The following EPHB1 variants were observed in gnomAD, a reference collection of about 807,000 sequenced individuals.
The protein encoded by EPHB1 is ephrin type-B receptor 1.
Under a neutral mutation model 94.4 loss-of-function variants are expected in EPHB1, and 30 were observed. The ratio of observed to expected loss-of-function variants is 0.32; its 90% CI spans 0.24 to 0.43. The LOEUF is 0.43. Among genes scored for constraint, EPHB1 ranks in the 20% least tolerant of loss-of-function variants. The pLI is 1.00. For missense variants in EPHB1, 1,055 were observed against 1,308.3 expected (o/e 0.81, Z 2.99); for synonymous variants, 522 against 489.1 (o/e 1.07, Z -0.89).
intron 3 of EPHB1, among the ~76,000 whole-genome samples, chr3:135,030,132 T>G (rs189990194): frequency 0.072 from 10,956 of 151,696 alleles, 532 homozygotes; most frequent in Non-Finnish European, 0.11. Flanking sequence ...CTTCTAAATT[T>G]TTTTCAAAGT....
At chr3:134,861,247 GC>G (rs2037251020) in intron 1 of EPHB1, among the ~76,000 whole-genome samples, 1 of 152,216 alleles carries the variant, frequency 6.6e-6, no homozygotes, top group Admixed American at 6.5e-5. Context: ...AGAAGATAAT[GC>G]CATTCAAGAG....
chr3:135,086,853 G>A (rs1019910000), intron 3 of EPHB1, among the ~76,000 whole-genome samples: 1 of 152,090 alleles, frequency 6.6e-6, no homozygotes. Flanking sequence ...GCCAGCTCAG[G>A]GCTTGAATTC....
At chr3:134,880,982 C>T (rs899073947) in intron 1 of EPHB1, among the ~76,000 whole-genome samples, 1 of 152,184 alleles carries the variant, frequency 6.6e-6, no homozygotes, top group Admixed American at 6.5e-5. Flanking sequence ...AATTGTTTCT[C>T]ACTGGAGCGG....
chr3:134,948,102 C>T (rs1047901781), intron 2 of EPHB1, among the ~76,000 whole-genome samples: 1 of 152,092 alleles, frequency 6.6e-6, no homozygotes, highest in Admixed American at 6.5e-5. Context: ...CCTCATTTTG[C>T]TTATTTAAAT....
intron 1 of EPHB1, among the ~76,000 whole-genome samples, chr3:134,878,895 C>T (rs2037669491): frequency 1.3e-5 from 2 of 152,168 alleles, no homozygotes; most frequent in Admixed American, 6.5e-5. Context: ...AAAAATAACA[C>T]TCGCTCTTAC....
chr3:134,880,563 G>A (rs532837161), intron 1 of EPHB1, among the ~76,000 whole-genome samples: 4 of 152,172 alleles, frequency 2.6e-5, no homozygotes, highest in South Asian at 4.1e-4. Context: ...GTAGCCCCCC[G>A]ACACAGCCAA....
At chr3:134,814,005 C>A (rs2036222462) in intron 1 of EPHB1, among the ~76,000 whole-genome samples, 2 of 152,278 alleles carry the variant, frequency 1.3e-5, no homozygotes, top group South Asian at 4.1e-4. Context: ...CCCTGAGGGC[C>A]CCCAGAGTCT....
intron 2 of EPHB1, among the ~76,000 whole-genome samples, chr3:134,930,309 C>G (rs187230983): frequency 6.6e-6 from 1 of 152,248 alleles, no homozygotes; most frequent in Admixed American, 6.5e-5. Context: ...CCAGAAAGTA[C>G]GCCCAGATTA....
At chr3:135,066,965 G>A (rs543592268) in intron 3 of EPHB1, among the ~76,000 whole-genome samples, 42 of 152,222 alleles carry the variant, frequency 2.8e-4, no homozygotes, top group Non-Finnish European at 3.5e-4. Flanking sequence ...CTCTCTTCTG[G>A]GTCTAGACAC....
chr3:134,939,921 A>ACTG (rs1273769249), intron 2 of EPHB1, among the ~76,000 whole-genome samples: 1 of 152,200 alleles, frequency 6.6e-6, no homozygotes, highest in Admixed American at 6.5e-5. Flanking sequence ...CCAAAAACAG[A>ACTG]CTGCTGAATG....
chr3:135,241,631 T>C (rs1317212468), intron 13 of EPHB1, among the ~76,000 whole-genome samples: 1 of 152,172 alleles, frequency 6.6e-6, no homozygotes. Context: ...TTCTAAGTGT[T>C]CAGGTTCTGT....
chr3:135,079,102 C>T (rs200851112), intron 3 of EPHB1, among the ~76,000 whole-genome samples: 1 of 150,738 alleles, frequency 6.6e-6, no homozygotes, highest in African/African-American at 2.5e-5. Context: ...AAAAACAAAA[C>T]AAACAAACAA....
chr3:134,893,986 G>A (rs1054084306), intron 1 of EPHB1, among the ~76,000 whole-genome samples: 1 of 152,204 alleles, frequency 6.6e-6, no homozygotes, highest in African/African-American at 2.4e-5. Flanking sequence ...CCTAAGGAGC[G>A]CTCTTAAATT....
At chr3:134,958,240 A>G (rs1207241610) in intron 3 of EPHB1, among the ~76,000 whole-genome samples, 5 of 152,162 alleles carry the variant, frequency 3.3e-5, no homozygotes, top group Non-Finnish European at 7.3e-5. Flanking sequence ...GGGAGTTGAG[A>G]TGAAAAATTT....
At chr3:135,247,072 T>G (rs981747186) in intron 13 of EPHB1, among the ~76,000 whole-genome samples, 2 of 152,246 alleles carry the variant, frequency 1.3e-5, no homozygotes, top group African/African-American at 4.8e-5. Context: ...CTCCAAATTA[T>G]TTCCTTTGTT....
At chr3:135,204,204 A>AT (rs1024306395) in intron 12 of EPHB1, among the ~76,000 whole-genome samples, 71 of 150,716 alleles carry the variant, frequency 4.7e-4, no homozygotes, top group Admixed American at 1.1e-3. Flanking sequence ...TAAGTTTTTT[A>AT]TTTTTTTTTA....
chr3:134,948,329 T>TAA (rs34196572), intron 2 of EPHB1, among the ~76,000 whole-genome samples: 4,292 of 145,212 alleles, frequency 0.03, 157 homozygotes, highest in African/African-American at 0.085. Context: ...AGCAGAACAG[T>TAA]AAAAAAAAAA....
intron 3 of EPHB1, among the ~76,000 whole-genome samples, chr3:135,010,322 T>C (rs1935574926): frequency 6.6e-6 from 1 of 152,164 alleles, no homozygotes; most frequent in African/African-American, 2.4e-5. Context: ...CTTATGTTAC[T>C]ACTTTTACAT....
At chr3:135,197,873 G>A (rs1342046966) in intron 11 of EPHB1, among the ~76,000 whole-genome samples, 1 of 151,934 alleles carries the variant, frequency 6.6e-6, no homozygotes, top group East Asian at 1.9e-4. Flanking sequence ...ATCTCTGGAA[G>A]TTCTTTTTGG....
Sources: allele counts gnomAD v4.1 joint callset (sites outside exome capture counted in the v4.1 genomes callset), GRCh38; gene constraint gnomAD v4.1.1; transcripts MANE v1.5; gene names NCBI Gene and HGNC (gene_info 2026-07-23, HGNC 2026-07-21).